RBFOX1: variants seen among roughly 807,000 people sequenced by gnomAD.
RBFOX1 encodes RNA binding protein fox-1 homolog 1.
A neutral mutation model predicts 57.7 loss-of-function variants in RBFOX1; 8 were observed. That is an observed-to-expected ratio of 0.14 (90% CI 0.08 to 0.25). RBFOX1 has a LOEUF of 0.25. RBFOX1 is among the 10% of genes least tolerant of loss of function. The pLI, the probability that RBFOX1 is intolerant of heterozygous loss-of-function variation, is 1.00. For synonymous variants in RBFOX1, 326 were observed against 222.4 expected (o/e 1.47, Z -4.15); for missense variants, 611 against 548.5 (o/e 1.11, Z -1.14).
At chr16:7,567,060 C>G (rs766626390) in intron 5 of RBFOX1, among the ~76,000 whole-genome samples, 3 of 150,656 alleles carry the variant, frequency 2.0e-5, no homozygotes, top group Non-Finnish European at 3.0e-5. Context: ...CCTGAGCGAC[C>G]CACTCTATAA....
intron 4 of RBFOX1, among the ~76,000 whole-genome samples, chr16:7,363,263 A>C (rs1006554502): frequency 2.6e-5 from 4 of 151,590 alleles, no homozygotes; most frequent in African/African-American, 7.3e-5. Flanking sequence ...CGGGGGGAAA[A>C]CCTCCAGATA....
chr16:6,202,336 C>T (rs2097220546), intron 1 of RBFOX1, among the ~76,000 whole-genome samples: 1 of 152,072 alleles, frequency 6.6e-6, no homozygotes, highest in Non-Finnish European at 1.5e-5. Flanking sequence ...GAGAGATTTG[C>T]CTTGTGATTT....
intron 1 of RBFOX1, among the ~76,000 whole-genome samples, chr16:6,213,793 C>G (rs1018598746): frequency 7.9e-5 from 12 of 152,202 alleles, no homozygotes; most frequent in African/African-American, 2.7e-4. Flanking sequence ...CTCAGTCTCT[C>G]ACTCTAAGCC....
intron 3 of RBFOX1, among the ~76,000 whole-genome samples, chr16:6,847,386 T>A (rs1334325746): frequency 6.6e-6 from 1 of 152,070 alleles, no homozygotes; most frequent in Non-Finnish European, 1.5e-5. Context: ...TGTGTGCACA[T>A]TCTGGGGCCG....
In RBFOX1 at chr16:6,530,919, T is replaced by C. The variant is rs149171596; in HGVS notation, c.-63-123684T>C. Among the ~76,000 whole-genome samples, 111 of 152,254 alleles carry C rather than the reference T, an allele frequency of 7.3e-4. 1 individual carries two copies. The East Asian group carries it at 0.019, about 27-fold the overall frequency. ...TGCATAGGGTCACAGCCAAACCATA[T>C]CACTCCTGTTTCTTGATTTGGAAGA... On this transcript the variant is annotated intron_variant, in intron 2 of 15. Transcript: ENST00000550418.
chr16:5,882,743 G>T (rs542806379), intron 4 of RBFOX1, among the ~76,000 whole-genome samples: 2 of 152,246 alleles, frequency 1.3e-5, no homozygotes, highest in South Asian at 4.1e-4. Flanking sequence ...TTGTCCCTGG[G>T]CGGGTTAAAG....
At chr16:6,519,765 G>A (rs1322868678) in intron 2 of RBFOX1, among the ~76,000 whole-genome samples, 1 of 152,072 alleles carries the variant, frequency 6.6e-6, no homozygotes, top group African/African-American at 2.4e-5. Context: ...TGTATGCCCG[G>A]TTCTGTATTA....
chr16:5,333,071 C>T (rs2064801302), intron 1 of RBFOX1, among the ~76,000 whole-genome samples: 1 of 152,016 alleles, frequency 6.6e-6, no homozygotes, highest in Non-Finnish European at 1.5e-5. Context: ...ACCTGTAGTC[C>T]CAGCTACTCA....
At chr16:5,390,460 T>G (rs999075338) in intron 1 of RBFOX1, among the ~76,000 whole-genome samples, 3 of 152,024 alleles carry the variant, frequency 2.0e-5, no homozygotes, top group African/African-American at 7.3e-5. Flanking sequence ...GGCTACTTTT[T>G]ATATTTTTCG....
intron 2 of RBFOX1, among the ~76,000 whole-genome samples, chr16:5,498,878 C>G (rs1180599972): frequency 6.6e-6 from 1 of 152,234 alleles, no homozygotes; most frequent in Non-Finnish European, 1.5e-5. Context: ...CTCTGTAAGG[C>G]CTTTGGCCAT....
intron 1 of RBFOX1, among the ~76,000 whole-genome samples, chr16:6,296,129 TG>T (rs898876038): frequency 5.9e-5 from 9 of 152,298 alleles, no homozygotes; most frequent in African/African-American, 2.2e-4. Context: ...CTACATGCCT[TG>T]GGCACGGTTG....
At chr16:6,596,761 G>A (rs1322540067) in intron 2 of RBFOX1, among the ~76,000 whole-genome samples, 4 of 152,100 alleles carry the variant, frequency 2.6e-5, no homozygotes, top group South Asian at 2.1e-4. Flanking sequence ...CTTCCTTCTT[G>A]GATATACATG....
intron 4 of RBFOX1, among the ~76,000 whole-genome samples, chr16:7,425,506 T>A (rs148095697): frequency 3.9e-5 from 6 of 152,346 alleles, no homozygotes; most frequent in African/African-American, 1.4e-4. Context: ...TCAGGATGAA[T>A]CATGTTTCGA....
At chr16:6,518,631 A>G (rs145707294) in intron 2 of RBFOX1, among the ~76,000 whole-genome samples, 1 of 152,206 alleles carries the variant, frequency 6.6e-6, no homozygotes, top group East Asian at 1.9e-4. Flanking sequence ...GGGCTTCTTG[A>G]CATTGTCCTA....
At chr16:6,598,301 T>A (rs1180390561) in intron 2 of RBFOX1, among the ~76,000 whole-genome samples, 1 of 152,242 alleles carries the variant, frequency 6.6e-6, no homozygotes, top group African/African-American at 2.4e-5. Flanking sequence ...AATTATTATT[T>A]ACTCTTTTAA....
At chr16:6,780,584 T>A (rs1295905412) in intron 3 of RBFOX1, among the ~76,000 whole-genome samples, 1 of 140,500 alleles carries the variant, frequency 7.1e-6, no homozygotes, top group East Asian at 2.0e-4. Flanking sequence ...ATATATATAT[T>A]TATATATATA....
intron 1 of RBFOX1, among the ~76,000 whole-genome samples, chr16:5,384,031 G>A (rs975177051): frequency 2.0e-5 from 3 of 152,166 alleles, no homozygotes; most frequent in East Asian, 1.9e-4. Flanking sequence ...GGCATCAGGC[G>A]CTCAGCTTCC....
intron 1 of RBFOX1, among the ~76,000 whole-genome samples, chr16:6,217,174 C>CTTTT (rs71142697): frequency 0.015 from 1,791 of 119,032 alleles, 73 homozygotes; most frequent in Non-Finnish European, 0.017. Context: ...TTAGGGGATT[C>CTTTT]TTTTTTTTTT....
intron 4 of RBFOX1, among the ~76,000 whole-genome samples, chr16:7,178,903 G>T (rs937553760): frequency 5.9e-5 from 9 of 151,976 alleles, no homozygotes; most frequent in African/African-American, 9.7e-5. Context: ...TTACTGATTT[G>T]GTTAACAAGA....
Sources: gnomAD v4.1 joint callset for allele counts (sites outside exome capture counted in the v4.1 genomes callset) on GRCh38, gnomAD v4.1.1 for gene constraint, MANE v1.5 for transcripts, NCBI Gene and HGNC (gene_info 2026-07-23, HGNC 2026-07-21) for gene names.